Variants in ABLIM1 observed in about 807,000 individuals in gnomAD.
The protein encoded by ABLIM1 is actin-binding LIM protein 1.
ABLIM1 carries 40 observed loss-of-function variants against 107.0 expected under a neutral mutation model. That is an observed-to-expected ratio of 0.37 (90% CI 0.29 to 0.49). The LOEUF (loss-of-function observed/expected upper bound fraction) is 0.49. Among genes scored for constraint, ABLIM1 ranks in the 20% least tolerant of loss-of-function variants. ABLIM1 has a pLI of 0.97. For synonymous variants in ABLIM1, 357 were observed against 357.3 expected, an observed-to-expected ratio of 1.00 and a Z score of 0.01; for missense variants, 857 against 1,008.5, an observed-to-expected ratio of 0.85 and a Z score of 2.04.
chr10:114,548,213 G>A (rs1565900382), intron 4 of ABLIM1, among the ~76,000 whole-genome samples: 1 of 152,190 alleles, frequency 6.6e-6, no homozygotes. Context: ...GATTACTCCT[G>A]GAGGCTGCCC....
At chr10:114,446,143 T>A (rs1174731895) in intron 15 of ABLIM1, among the ~76,000 whole-genome samples, 1 of 152,262 alleles carries the variant, frequency 6.6e-6, no homozygotes, top group Non-Finnish European at 1.5e-5. Context: ...CATTGTTTTG[T>A]GACATGCGTT....
At chr10:114,487,934 A>T (rs1159231026) in intron 8 of ABLIM1, 24 bp downstream of exon 8, 1 of 1,613,536 alleles carries the variant, frequency 6.2e-7, no homozygotes, top group African/African-American at 1.3e-5. Context: ...TGCAGCTGGC[A>T]TCATGTTTTA....
At position 114,619,968 on chromosome 10, in the gene ABLIM1, G is replaced by A. The variant is rs568286116; in HGVS notation, c.245-18007C>T. On this transcript the variant is annotated intron_variant, in intron 1 of 22. Coordinates refer to ENST00000533213, the MANE Select transcript of ABLIM1 (RefSeq NM_002313.7). The surrounding 1 kb of genome is among the most constrained non-coding windows in gnomAD (Gnocchi z 4.1). ...ACATTCTTTTGTCAAAACCTGTCCCGTTGCAAGTGAAGAAACCCAACGTAA... is the reference window on the plus strand; with the variant it reads ...ACATTCTTTTGTCAAAACCTGTCCCATTGCAAGTGAAGAAACCCAACGTAA... Among the ~76,000 whole-genome samples the A allele has an allele frequency of 3.0e-4, 45 of 152,252 alleles. No individual in the cohort carries two copies. The highest frequency in any genetic ancestry group is 5.9e-4 in the Admixed American group (9 of 15,298).
At chr10:114,511,663 C>T (rs2061896054) in intron 6 of ABLIM1, among the ~76,000 whole-genome samples, 1 of 152,064 alleles carries the variant, frequency 6.6e-6, no homozygotes, top group Non-Finnish European at 1.5e-5. Context: ...CCACACCTGG[C>T]CCCTTCTCAT....
chr10:114,595,153 A>AT, intron 2 of ABLIM1: 1 of 147,874 alleles, frequency 6.8e-6, no homozygotes, highest in East Asian at 2.0e-4. Flanking sequence ...AAAAAAAAAA[A>AT]TAGATCTTGG....
At chr10:114,784,349 A>AAAGAAAGAAAG in the ABLIM1 span, among the ~76,000 whole-genome samples, 1 of 131,876 alleles carries the variant, frequency 7.6e-6, no homozygotes, top group African/African-American at 3.6e-5. Flanking sequence ...CTGTCTCAAA[A>AAAGAAAGAAAG]AAAGAAAGAA....
chr10:114,491,236 GTCTC>G (rs558197451), intron 7 of ABLIM1, among the ~76,000 whole-genome samples: 4 of 149,742 alleles, frequency 2.7e-5, no homozygotes, highest in Non-Finnish European at 4.4e-5. Context: ...TTCTCTCTCT[GTCTC>G]TCTCTCTCTC....
the ABLIM1 span, chr10:114,779,690 T>C: frequency 6.6e-6 from 1 of 152,254 alleles, no homozygotes; most frequent in South Asian, 2.1e-4. Context: ...TATTGATCTA[T>C]TTTATTCTTT....
Position 114,658,026 on chromosome 10 carries a change from G to A in ABLIM1, c.175C>T (p.His59Tyr). ...FTAHRRATIT[H>Y]LLYLCPKDYC... ...TCCTTGGGACAGAGATACAGCAAATGAGTGATAGTGGCACGCCTATGAGCG... is the reference window on the plus strand; with the variant it reads ...TCCTTGGGACAGAGATACAGCAAATAAGTGATAGTGGCACGCCTATGAGCG... Residue 59 changes from histidine to tyrosine, a missense_variant, in exon 1 of 23, where the codon CAT becomes TAT. Coordinates refer to ENST00000533213, the MANE Select transcript of ABLIM1 (RefSeq NM_002313.7). 1.9e-6 allele frequency: 3 copies of A among 1,614,174 alleles called. No homozygotes were observed. The highest frequency in any genetic ancestry group is 2.5e-6 in the Non-Finnish European group (3 of 1,180,016).
At chr10:114,651,512 A>G (rs11196833) in intron 1 of ABLIM1, among the ~76,000 whole-genome samples, 12,430 of 152,220 alleles carry the variant, frequency 0.082, 986 homozygotes, top group East Asian at 0.44. Context: ...ACGTGAAAGC[A>G]TCCTTCAAAC....
chr10:114,451,996 T>C (rs923415719), intron 13 of ABLIM1, among the ~76,000 whole-genome samples: 11 of 152,120 alleles, frequency 7.2e-5, no homozygotes, highest in African/African-American at 2.7e-4. Flanking sequence ...GGTACTCTTA[T>C]GGTGAGAAAG....
intron 2 of ABLIM1, among the ~76,000 whole-genome samples, chr10:114,580,670 C>T (rs1394794166): frequency 6.6e-6 from 1 of 152,106 alleles, no homozygotes; most frequent in Non-Finnish European, 1.5e-5. Flanking sequence ...CTCTTTTTAA[C>T]CAAAAATATC....
chr10:114,631,985 C>A lies in ABLIM1; in HGVS notation c.244+25972G>T, dbSNP rs1325263856. 42 of 1,301,126 alleles carry A rather than the reference C, an allele frequency of 3.2e-5. No individual in the cohort carries two copies. In the Admixed American group the frequency reaches 9.7e-4, roughly 30 times the overall value. 80.6% of individuals were successfully genotyped at this position (1,301,126 alleles called of 1,614,324 possible). A position where few individuals can be genotyped will look rare whatever the true frequency, so the allele number is the denominator to read the frequency against. On this transcript the variant is annotated intron_variant, in intron 1 of 22. Transcript: ENST00000533213. ...GGAATAAACTCTGGGAGTGGAAGCGCGCCTCGGCAGACAGATCCGCGGGCG... is the reference window on the plus strand; with the variant it reads ...GGAATAAACTCTGGGAGTGGAAGCGAGCCTCGGCAGACAGATCCGCGGGCG...
In ABLIM1 at chr10:114,693,082, C is replaced by G. The variant is rs985278947; in HGVS notation, c.-213+74979G>C. 2.6e-5 allele frequency among the ~76,000 whole-genome samples: 4 copies of G among 152,300 alleles called. No individual in the cohort carries two copies. In the East Asian group the frequency reaches 7.7e-4, roughly 29 times the overall value. On this transcript the variant is annotated intron_variant, in intron 1 of 15. Transcript: ENST00000651092. ...TTTTATTCCTTTGAGTGCACAGGCA[C>G]AGTGTGGAGGCTAAAGGGAGGCTTC...
chr10:114,484,572 G>A (rs1405719186), intron 8 of ABLIM1, among the ~76,000 whole-genome samples: 1 of 142,238 alleles, frequency 7.0e-6, no homozygotes, highest in South Asian at 2.1e-4. Context: ...TAGTGGAGAC[G>A]GGGTTTCACC....
At chr10:114,741,803 C>G (rs981248797) in intron 1 of ABLIM1, among the ~76,000 whole-genome samples, 3 of 152,162 alleles carry the variant, frequency 2.0e-5, no homozygotes, top group Non-Finnish European at 2.9e-5. Context: ...CCACAAGTAA[C>G]TGACAGAGAT....
chr10:114,769,541 G>A (rs1591973613), upstream of ABLIM1, among the ~76,000 whole-genome samples: 1 of 144,050 alleles, frequency 6.9e-6, no homozygotes, highest in East Asian at 1.9e-4. Context: ...AGAAAGGAAG[G>A]AAGGAAGAAA....
intron 5 of ABLIM1, among the ~76,000 whole-genome samples, chr10:114,546,016 T>G (rs907776178): frequency 6.6e-6 from 1 of 150,662 alleles, no homozygotes; most frequent in African/African-American, 2.4e-5. Flanking sequence ...GGGGCCCACA[T>G]GCCAGAGTAC....
chr10:114,659,067 A>T (rs2079662330), upstream of ABLIM1, among the ~76,000 whole-genome samples: 1 of 152,218 alleles, frequency 6.6e-6, no homozygotes, highest in African/African-American at 2.4e-5. Flanking sequence ...GTCCCAAGTC[A>T]AAATGAATAA....
Sources: gnomAD v4.1 joint callset for allele counts (sites outside exome capture counted in the v4.1 genomes callset) on GRCh38, gnomAD v4.1.1 for gene constraint, Gnocchi (gnomAD v3.1) non-coding constraint, MANE v1.5 for transcripts, NCBI Gene and HGNC (gene_info 2026-07-23, HGNC 2026-07-21) for gene names.